Variants in SEPTIN10 observed in about 807,000 individuals in gnomAD.
SEPTIN10 encodes septin-10.
Under a neutral mutation model 54.8 loss-of-function variants are expected in SEPTIN10, and 66 were observed. That is an observed-to-expected ratio of 1.21 (90% CI 0.99 to 1.48). The LOEUF is 1.48. Among genes scored for constraint, SEPTIN10 ranks in the 40% most tolerant of loss-of-function variants. SEPTIN10 has a pLI of 0.00. For synonymous variants in SEPTIN10, 161 were observed against 181.0 expected (o/e 0.89, Z 0.89); for missense variants, 620 against 545.6 (o/e 1.14, Z -1.36).
chr2:109,565,645 C>T, intron 7 of SEPTIN10, 118 bp downstream of exon 7: 3 of 888,738 alleles, frequency 3.4e-6, no homozygotes, highest in Non-Finnish European at 3.7e-6. Flanking sequence ...TAGTACACAG[C>T]CAATTCCTCT....
intron 10 of SEPTIN10, 34 bp downstream of exon 10, chr2:109,546,016 C>G (rs754914244): frequency 6.5e-7 from 1 of 1,535,730 alleles, no homozygotes; most frequent in African/African-American, 1.4e-5. Flanking sequence ...CAAGTGTGGG[C>G]AGGGCTGCCA....
At chr2:109,564,926 C>G (rs1301952930) in intron 7 of SEPTIN10, among the ~76,000 whole-genome samples, 1 of 152,180 alleles carries the variant, frequency 6.6e-6, no homozygotes, top group Non-Finnish European at 1.5e-5. Flanking sequence ...TTCACTAAAA[C>G]TTCAAAGTAG....
chr2:109,561,582 G>C (rs1685666397), intron 8 of SEPTIN10, among the ~76,000 whole-genome samples: 1 of 152,032 alleles, frequency 6.6e-6, no homozygotes, highest in Non-Finnish European at 1.5e-5. Context: ...CTTCTCCCTA[G>C]CTCCAGATTC....
At position 109,603,937 on chromosome 2, in the gene SEPTIN10, G is replaced by A. The variant is rs367607607; in HGVS notation, c.30+9861C>T. Among the ~76,000 whole-genome samples the A allele has an allele frequency of 1.8e-4, 28 of 151,708 alleles. No homozygotes were observed. In the East Asian group the frequency reaches 3.2e-3, roughly 17 times the overall value. ...AGCACTTTGGGAGGCCGAGGCGGGC[G>A]GATCACGAGGTCAGGAGATCGAGAC... On this transcript the variant is annotated intron_variant, in intron 1 of 10. Transcript: ENST00000397712.
intron 9 of SEPTIN10, 59 bp from the exon 10 acceptor site, chr2:109,546,296 C>A: frequency 8.4e-7 from 1 of 1,190,006 alleles, no homozygotes; most frequent in Non-Finnish European, 1.2e-6. Context: ...GGCACGCTCT[C>A]CAGCTCAGCA....
intron 4 of SEPTIN10, among the ~76,000 whole-genome samples, chr2:109,577,887 T>C (rs1349689294): frequency 7.8e-6 from 1 of 128,280 alleles, no homozygotes; most frequent in Non-Finnish European, 1.6e-5. Context: ...CACTTAAGCC[T>C]GGGTGACGAA....
chr2:109,589,947 G>C (rs79892246), intron 2 of SEPTIN10, among the ~76,000 whole-genome samples: 1 of 151,870 alleles, frequency 6.6e-6, no homozygotes, highest in East Asian at 1.9e-4. Flanking sequence ...TATCCCAATA[G>C]TGATTTATTT....
In SEPTIN10 at chr2:109,592,792, G is replaced by GA. The variant is rs1290131116; in HGVS notation, c.99+258dup. Among the ~76,000 whole-genome samples, 3 of 150,600 alleles carry GA rather than the reference G, an allele frequency of 2.0e-5. No homozygotes were observed. In the East Asian group the frequency reaches 5.8e-4, roughly 29 times the overall value. On this transcript the variant is annotated intron_variant, in intron 2 of 10. Transcript: ENST00000397712. ...AAGACTCTGTCTAAAAAAAAAAAAGGAAACGAAAAAAGAAACAGAAAAAAA... is the reference window on the plus strand; with the variant it reads ...AAGACTCTGTCTAAAAAAAAAAAAGGAAAACGAAAAAAGAAACAGAAAAAAA...
chr2:109,598,516 G>C (rs1695823410), intron 1 of SEPTIN10, among the ~76,000 whole-genome samples: 1 of 152,132 alleles, frequency 6.6e-6, no homozygotes, highest in South Asian at 2.1e-4. Flanking sequence ...GCGAGAGCGA[G>C]AGAGAACAAA....
At chr2:109,604,372 G>GAGAAAGA (rs1697394955) in intron 1 of SEPTIN10, among the ~76,000 whole-genome samples, 2 of 60,486 alleles carry the variant, frequency 3.3e-5, no homozygotes, top group African/African-American at 1.1e-4. Context: ...AGAAAGGAAA[G>GAGAAAGA]AAGGGAAGGG....
At chr2:109,587,956 C>T (rs1180298948) in intron 2 of SEPTIN10, among the ~76,000 whole-genome samples, 3 of 151,104 alleles carry the variant, frequency 2.0e-5, no homozygotes, top group Non-Finnish European at 4.4e-5. Context: ...ATTACCCGGG[C>T]GTGGTGGCAC....
In SEPTIN10 at chr2:109,613,481, C is replaced by T. The variant is rs999499757; in HGVS notation, c.30+317G>A. The T allele has an allele frequency of 9.7e-5, 24 of 247,632 alleles. 1 individual carries two copies. Among genetic ancestry groups the T allele is most frequent in the African/African-American group, 5.2e-4 (24 of 46,102 alleles). The allele number at this position is 247,632 out of a possible 1,614,324, so 15.3% of individuals were successfully genotyped here. A position where few individuals can be genotyped will look rare whatever the true frequency, so the allele number is the denominator to read the frequency against. ...ACTGCGCCTTCAACTCCGTTATAGCCGTAAGAGACCCACAAACACCGCTGT... is the reference window on the plus strand; with the variant it reads ...ACTGCGCCTTCAACTCCGTTATAGCTGTAAGAGACCCACAAACACCGCTGT... On this transcript the variant is annotated intron_variant, in intron 1 of 10. Coordinates refer to ENST00000397712, the MANE Select transcript of SEPTIN10 (RefSeq NM_144710.5).
At chr2:109,598,994 TA>T (rs888018767) in intron 1 of SEPTIN10, among the ~76,000 whole-genome samples, 3 of 152,210 alleles carry the variant, frequency 2.0e-5, no homozygotes, top group African/African-American at 7.2e-5. Context: ...ACTCATTATT[TA>T]AAATCATTTT....
intron 1 of SEPTIN10, among the ~76,000 whole-genome samples, chr2:109,612,888 A>T (rs144455282): frequency 3.9e-5 from 6 of 152,246 alleles, no homozygotes; most frequent in Non-Finnish European, 7.3e-5. Flanking sequence ...CGGATCCTCT[A>T]ATCTCTCAGC....
chr2:109,574,735 T>A lies in SEPTIN10; in HGVS notation c.446A>T (p.Gln149Leu). The change falls in exon 5 of 11, where the codon CAG becomes CTG. Residue 149 changes from glutamine (Q) to leucine (L), a missense_variant. Transcript: ENST00000397712. ...TTCTTCTTGGAGATAGGCCTCAAAC[T>A]GAGCATCTATGTAGTCAACTATTGG... The part of the protein sequence containing the change: ...YQPIVDYIDA[Q>L]FEAYLQEELK... 6.3e-7 allele frequency: 1 copy of A among 1,598,744 alleles called. No individual in the cohort carries two copies. The highest frequency in any genetic ancestry group is 8.5e-7 in the Non-Finnish European group (1 of 1,173,438).
chr2:109,589,129 T>C (rs1693338750), intron 2 of SEPTIN10, among the ~76,000 whole-genome samples: 2 of 152,018 alleles, frequency 1.3e-5, no homozygotes. Context: ...TTTGTTGTTG[T>C]TGGTTTGTTT....
At chr2:109,555,039 G>C (rs1442219259) in intron 8 of SEPTIN10, among the ~76,000 whole-genome samples, 1 of 152,096 alleles carries the variant, frequency 6.6e-6, no homozygotes, top group Non-Finnish European at 1.5e-5. Context: ...TGATCTTTGT[G>C]ATTTTCTGCC....
chr2:109,564,597 G>A (rs1042295296), intron 7 of SEPTIN10, 63 bp from the exon 8 acceptor site: 32 of 1,350,264 alleles, frequency 2.4e-5, no homozygotes, highest in Non-Finnish European at 2.6e-5. Flanking sequence ...ACAACTAAGT[G>A]TTTGCTGAAT....
chr2:109,582,211 A>T (rs1691354425), intron 4 of SEPTIN10, among the ~76,000 whole-genome samples: 1 of 152,186 alleles, frequency 6.6e-6, no homozygotes, highest in Admixed American at 6.5e-5. Context: ...ATCACAGATG[A>T]CACCGACAAA....
Sources: gnomAD v4.1 joint callset for allele counts (sites outside exome capture counted in the v4.1 genomes callset) on GRCh38, gnomAD v4.1.1 for gene constraint, MANE v1.5 for transcripts, NCBI Gene and HGNC (gene_info 2026-07-23, HGNC 2026-07-21) for gene names.